Variants in FCF1 observed in about 807,000 individuals in gnomAD.
The protein encoded by FCF1 is FCF1 rRNA-processing protein.
A neutral mutation model predicts 32.5 loss-of-function variants in FCF1; 17 were observed. The ratio of observed to expected loss-of-function variants is 0.52; its 90% CI spans 0.36 to 0.78. The LOEUF is 0.78. FCF1 is among the 30% of genes least tolerant of loss of function. The pLI is 0.00. For missense variants in FCF1, 201 were observed against 241.1 expected, an observed-to-expected ratio of 0.83 and a Z score of 1.10; for synonymous variants, 84 against 78.4, an observed-to-expected ratio of 1.07 and a Z score of -0.38.
chr14:74,714,154 A>C (rs2090377999), intron 2 of FCF1, among the ~76,000 whole-genome samples: 1 of 152,180 alleles, frequency 6.6e-6, no homozygotes. Context: ...ATCTTCACTG[A>C]GTTTAAGAGT....
intron 5 of FCF1, among the ~76,000 whole-genome samples, chr14:74,732,517 T>C (rs1423645538): frequency 6.6e-6 from 1 of 152,190 alleles, no homozygotes; most frequent in Non-Finnish European, 1.5e-5. Context: ...AGATATATAA[T>C]AACTCAAAGT....
intron 5 of FCF1, among the ~76,000 whole-genome samples, chr14:74,727,053 G>A (rs1413776647): frequency 6.6e-6 from 1 of 152,044 alleles, no homozygotes; most frequent in East Asian, 1.9e-4. Context: ...TGTGAATAAT[G>A]CCACAATAAA....
chr14:74,721,989 A>G (rs2090509924), intron 4 of FCF1, among the ~76,000 whole-genome samples: 1 of 151,568 alleles, frequency 6.6e-6, no homozygotes, highest in East Asian at 1.9e-4. Flanking sequence ...AGTTGTACCA[A>G]TGTATATACC....
chr14:74,724,555 G>T (rs1229213363), intron 5 of FCF1, among the ~76,000 whole-genome samples: 1 of 152,116 alleles, frequency 6.6e-6, no homozygotes, highest in Non-Finnish European at 1.5e-5. Context: ...CAAAGTGCTG[G>T]GATTATAGGC....
intron 5 of FCF1, among the ~76,000 whole-genome samples, chr14:74,726,355 C>G (rs2090577903): frequency 1.3e-5 from 2 of 151,896 alleles, no homozygotes; most frequent in Admixed American, 6.6e-5. Context: ...GGCATGGTGG[C>G]ATGTACTTGT....
chr14:74,723,912 TAAAC>T (rs1052758697), intron 5 of FCF1, among the ~76,000 whole-genome samples: 21 of 151,918 alleles, frequency 1.4e-4, no homozygotes, highest in Admixed American at 1.2e-3. Context: ...ATTAACAAAG[TAAAC>T]AGACATACAT....
chr14:74,728,014 G>A (rs1248167639), intron 5 of FCF1, among the ~76,000 whole-genome samples: 1 of 152,154 alleles, frequency 6.6e-6, no homozygotes, highest in Non-Finnish European at 1.5e-5. Context: ...TAGCCTTGTA[G>A]TATAGTTTGA....
chr14:74,729,241 T>C (rs1377222142), intron 5 of FCF1, among the ~76,000 whole-genome samples: 1 of 152,134 alleles, frequency 6.6e-6, no homozygotes, highest in Non-Finnish European at 1.5e-5. Flanking sequence ...CTGGACTCTT[T>C]TTGGTTGGTA....
chr14:74,730,135 G>A (rs192995759), intron 5 of FCF1, among the ~76,000 whole-genome samples: 49 of 151,840 alleles, frequency 3.2e-4, no homozygotes, highest in African/African-American at 9.7e-4. Context: ...AACATATGTG[G>A]AGTATACCAT....
intron 4 of FCF1, among the ~76,000 whole-genome samples, chr14:74,718,206 T>G (rs1368224831): frequency 1.3e-5 from 2 of 152,158 alleles, no homozygotes; most frequent in African/African-American, 4.8e-5. Flanking sequence ...TCTCTTCCTC[T>G]TACCTTGAAA....
rs1381115948 is a variant in FCF1 at position 74,737,675 on chromosome 14, G to T, written c.*2745G>T. On this transcript the variant is annotated 3_prime_UTR_variant, in exon 8 of 8. Coordinates refer to ENST00000341162, the MANE Select transcript of FCF1 (RefSeq NM_015962.5). ...TTAGTGATTATTACACAATGGCAAG[G>T]TGGCTATCCATTTGAAAAAAAATTA... 1 of 152,094 alleles carries T rather than the reference G, an allele frequency of 6.6e-6. No individual in the cohort carries two copies. The highest frequency in any genetic ancestry group is 1.5e-5 in the Non-Finnish European group (1 of 68,034). The allele number at this position is 152,094 out of a possible 1,614,324, so 9.4% of individuals were successfully genotyped here. A position where few individuals can be genotyped will look rare whatever the true frequency, so the allele number is the denominator to read the frequency against.
At chr14:74,727,673 G>A (rs2090591861) in intron 5 of FCF1, among the ~76,000 whole-genome samples, 1 of 152,108 alleles carries the variant, frequency 6.6e-6, no homozygotes, top group African/African-American at 2.4e-5. Context: ...TAGACATGAA[G>A]TCCTTGCCCA....
chr14:74,728,398 C>T (rs933664406), intron 5 of FCF1, among the ~76,000 whole-genome samples: 1 of 152,054 alleles, frequency 6.6e-6, no homozygotes, highest in Admixed American at 6.6e-5. Context: ...TGATTTGGCT[C>T]TCTGTTTGTC....
intron 4 of FCF1, among the ~76,000 whole-genome samples, chr14:74,718,490 T>TA (rs1176919628): frequency 5.9e-5 from 9 of 152,080 alleles, no homozygotes; most frequent in African/African-American, 2.2e-4. Context: ...TATATATATA[T>TA]TGAGACAAAG....
chr14:74,736,787 T>C lies in FCF1; in HGVS notation c.*1857T>C, dbSNP rs980860013. The stretch of plus-strand genomic sequence containing the variant: ...TACTGACTTACTCAATAAACATTTA[T>C]TAAATGTATACTAGGTGCTTAATAA... On this transcript the variant is annotated 3_prime_UTR_variant, in exon 8 of 8. Coordinates refer to ENST00000341162, the MANE Select transcript of FCF1 (RefSeq NM_015962.5). The C allele has an allele frequency of 9.2e-5, 14 of 152,208 alleles. No homozygotes were observed. The highest frequency in any genetic ancestry group is 3.4e-4 in the African/African-American group (14 of 41,452). 9.4% of individuals were successfully genotyped at this position (152,208 alleles called of 1,614,324 possible).
At chr14:74,713,302 T>C in intron 1 of FCF1, 102 bp downstream of exon 1, 1 of 1,612,194 alleles carries the variant, frequency 6.2e-7, no homozygotes, top group South Asian at 1.1e-5. Flanking sequence ...TATCCTAGCA[T>C]ATTTTCATTC....
chr14:74,731,995 T>G (rs1297735340), intron 5 of FCF1, among the ~76,000 whole-genome samples: 1 of 152,186 alleles, frequency 6.6e-6, no homozygotes, highest in Non-Finnish European at 1.5e-5. Context: ...TAGTAAAAGG[T>G]AAAAGTCTGC....
chr14:74,735,076 A>T lies in FCF1; in HGVS notation c.*146A>T. The stretch of plus-strand genomic sequence containing the variant: ...ATTTATTATTTAGGTGCACCAGCCC[A>T]GTCAGATTAACATCCAAAGGACTGA... On this transcript the variant is annotated 3_prime_UTR_variant, in exon 8 of 8. Coordinates refer to ENST00000341162, the MANE Select transcript of FCF1 (RefSeq NM_015962.5). 4.7e-6 allele frequency: 3 copies of T among 641,404 alleles called. No homozygotes were observed. The highest frequency in any genetic ancestry group is 5.5e-6 in the Non-Finnish European group (2 of 362,840). The allele number at this position is 641,404 out of a possible 1,614,324, so 39.7% of individuals were successfully genotyped here. A position where few individuals can be genotyped will look rare whatever the true frequency, so the allele number is the denominator to read the frequency against.
chr14:74,713,235 G>A (rs754009567), intron 1 of FCF1, 35 bp downstream of exon 1: 1 of 1,614,206 alleles, frequency 6.2e-7, no homozygotes, highest in Non-Finnish European at 8.5e-7. Flanking sequence ...GACGTTATCA[G>A]GCCACTTTTT....
Sources: gnomAD v4.1 joint callset for allele counts (sites outside exome capture counted in the v4.1 genomes callset) on GRCh38, gnomAD v4.1.1 for gene constraint, MANE v1.5 for transcripts, NCBI Gene and HGNC (gene_info 2026-07-23, HGNC 2026-07-21) for gene names.